TMEM235: variants seen among roughly 807,000 people sequenced by gnomAD.
TMEM235 encodes the protein transmembrane protein 235, also known as claudin-27.
TMEM235 carries 23 observed loss-of-function variants against 22.9 expected under a neutral mutation model. That is an observed-to-expected ratio of 1.00 (90% CI 0.72 to 1.42). The LOEUF is 1.42. TMEM235 is among the 40% of genes most tolerant of loss of function. TMEM235 has a pLI of 0.00. For synonymous variants in TMEM235, 137 were observed against 140.5 expected (o/e 0.98, Z 0.17); for missense variants, 308 against 299.5 (o/e 1.03, Z -0.21).
At chr17:78,232,270 C>G in intron 2 of TMEM235, 57 bp downstream of exon 1, 2 of 1,380,930 alleles carry the variant, frequency 1.4e-6, no homozygotes, top group Non-Finnish European at 1.9e-6. Flanking sequence ...TCCGACACCC[C>G]CTTAACCCCG....
chr17:78,235,328 C>T lies in TMEM235; in HGVS notation c.409+598C>T, dbSNP rs1347467022. On this transcript the variant is annotated intron_variant, in intron 4 of 5. Transcript: ENST00000421688. ...TTGAGATGGAGTTTCGCTCTTGTTGCCCAGGCTGGAGTGCAATCGCATGAT... is the reference window on the plus strand; with the variant it reads ...TTGAGATGGAGTTTCGCTCTTGTTGTCCAGGCTGGAGTGCAATCGCATGAT... Among the ~76,000 whole-genome samples the T allele has an allele frequency of 2.0e-5, 3 of 151,486 alleles. No individual in the cohort carries two copies. The East Asian group carries it at 5.8e-4, about 29-fold the overall frequency.
rs1219237617 is a variant in TMEM235, at chr17:78,237,338, C to T, written c.410-1686C>T. 1.3e-5 allele frequency among the ~76,000 whole-genome samples: 2 copies of T among 152,050 alleles called. No homozygotes were observed. The highest frequency in any genetic ancestry group is 2.9e-5 in the Non-Finnish European group (2 of 67,978). On this transcript the variant is annotated intron_variant, in intron 4 of 5. Coordinates refer to ENST00000421688, the Ensembl canonical transcript of TMEM235. This position sits in a 1 kb window ranked among gnomAD's most constrained non-coding sequence, Gnocchi z 4.7. ...TTCCCTGAGACAGGATCTTGGGGGGCCTGGGGGACCGACAGGGCCCACGGT... is the reference window on the plus strand; with the variant it reads ...TTCCCTGAGACAGGATCTTGGGGGGTCTGGGGGACCGACAGGGCCCACGGT...
rs1042047781 is a variant in TMEM235, at chr17:78,238,321, G to A, written c.410-703G>A. Among the ~76,000 whole-genome samples, 6 of 152,110 alleles carry A rather than the reference G, an allele frequency of 3.9e-5. No individual in the cohort carries two copies. The highest frequency in any genetic ancestry group is 1.2e-4 in the African/African-American group (5 of 41,432). On this transcript the variant is annotated intron_variant, in intron 4 of 5. Coordinates refer to ENST00000421688, the Ensembl canonical transcript of TMEM235. This position sits in a 1 kb window ranked among gnomAD's most constrained non-coding sequence, Gnocchi z 4.3. The stretch of plus-strand genomic sequence containing the variant: ...CAACAGCTTTGACCATGTGGAGAGC[G>A]GGAGGGAGGAGAGAGGAGGGCCCAG...
exon 2 of TMEM235, chr17:78,231,859 G>A: frequency 2.6e-6 from 3 of 1,153,204 alleles, no homozygotes; most frequent in Non-Finnish European, 3.3e-6. Context: ...GCGACCCCAG[G>A]GGGCCCGCGA....
In TMEM235 at chr17:78,234,525, C is replaced by T. The variant is rs2076620870; in HGVS notation, c.272-68C>T. ...AGAAGACGAAGCACCACGTCACTGT[C>T]CTCCGGCAGACAAGTGCTGAAGGGC... On this transcript the variant is annotated intron_variant, in intron 3 of 5. Coordinates refer to ENST00000421688, the Ensembl canonical transcript of TMEM235. 12 of 1,527,544 alleles carry T rather than the reference C, an allele frequency of 7.9e-6. No homozygotes were observed. In the South Asian group the frequency reaches 1.4e-4, roughly 18 times the overall value. 94.6% of individuals were successfully genotyped at this position (1,527,544 alleles called of 1,614,324 possible). A position where few individuals can be genotyped will look rare whatever the true frequency, so the allele number is the denominator to read the frequency against.
intron 4 of TMEM235, among the ~76,000 whole-genome samples, chr17:78,236,808 C>A (rs1435490012): frequency 6.6e-6 from 1 of 152,220 alleles, no homozygotes; most frequent in East Asian, 1.9e-4. Context: ...GGAGGCCCGA[C>A]TGGGTGCAGA....
At chr17:78,231,875 G>C in exon 2 of TMEM235, 1 of 1,137,806 alleles carries the variant, frequency 8.8e-7, no homozygotes, top group Non-Finnish European at 1.1e-6. Flanking sequence ...CGCGAGGCCA[G>C]TGCGCGGGCA....
At chr17:78,240,040 C>A in exon 6 of TMEM235, 1 of 1,494,004 alleles carries the variant, frequency 6.7e-7, no homozygotes, top group Admixed American at 2.1e-5. Context: ...TTTCACTGAG[C>A]ACTTCCGGGA....
At chr17:78,231,967 C>T (rs186093980) in exon 2 of TMEM235, 254,625 of 1,055,780 alleles carry the variant, frequency 0.24, 34,414 homozygotes, top group East Asian at 0.26. Flanking sequence ...CCGCGCGCCC[C>T]CCGCCGCCCC....
exon 6 of TMEM235, chr17:78,240,556 C>T (rs1229142563): frequency 6.4e-6 from 1 of 155,700 alleles, no homozygotes; most frequent in East Asian, 1.9e-4. Flanking sequence ...GAAGGGTTCC[C>T]AGGGCCTGTA....
chr17:78,233,766 C>T, intron 2 of TMEM235, 129 bp from the exon 2 acceptor site: 1 of 706,680 alleles, frequency 1.4e-6, no homozygotes, highest in Non-Finnish European at 2.4e-6. Flanking sequence ...ACTTGGAGTC[C>T]CAGCCCTGAG....
chr17:78,236,628 C>G (rs2145922673), intron 4 of TMEM235, among the ~76,000 whole-genome samples: 1 of 152,350 alleles, frequency 6.6e-6, no homozygotes, highest in Middle Eastern at 3.4e-3. Flanking sequence ...GGAAGGTGGA[C>G]TAGGGGCTCC....
At chr17:78,239,962 G>A (rs978865784) in exon 6 of TMEM235, 2 of 1,549,166 alleles carry the variant, frequency 1.3e-6, no homozygotes, top group African/African-American at 2.7e-5. Flanking sequence ...AGGGGTGGGG[G>A]GCAAGGAGCT....
At chr17:78,232,137 C>T in exon 2 of TMEM235, 1 of 1,489,226 alleles carries the variant, frequency 6.7e-7, no homozygotes, top group Non-Finnish European at 8.9e-7. Flanking sequence ...AGGTGGCGGA[C>T]GCCGGCAATG....
chr17:78,235,007 C>A (rs1334118647), intron 4 of TMEM235, among the ~76,000 whole-genome samples: 1 of 152,248 alleles, frequency 6.6e-6, no homozygotes, highest in Non-Finnish European at 1.5e-5. Flanking sequence ...GTGATCCCAG[C>A]ACTTTGGGAG....
chr17:78,231,937 C>A, exon 2 of TMEM235: 1 of 1,004,326 alleles, frequency 1.0e-6, no homozygotes. Context: ...CGCCCGCCCC[C>A]CGTCCCCCGG....
chr17:78,239,819 C>A, exon 6 of TMEM235: 1 of 1,551,076 alleles, frequency 6.4e-7, no homozygotes. Context: ...GGGACCCACC[C>A]AGATCGCCTG....
At chr17:78,240,083 G>A in exon 6 of TMEM235, 1 of 1,416,968 alleles carries the variant, frequency 7.1e-7, no homozygotes, top group Non-Finnish European at 9.4e-7. Context: ...TCCTTGTCCT[G>A]GCACAGGCTG....
exon 2 of TMEM235, chr17:78,232,182 C>T (rs2076589959): frequency 5.4e-6 from 8 of 1,493,018 alleles, no homozygotes; most frequent in African/African-American, 1.4e-5. Context: ...AGCTGCTCTC[C>T]TCGCACTCGG....
Sources: gnomAD v4.1 joint callset for allele counts (sites outside exome capture counted in the v4.1 genomes callset) on GRCh38, gnomAD v4.1.1 for gene constraint, Gnocchi (gnomAD v3.1) non-coding constraint, MANE v1.5 for transcripts, NCBI Gene and HGNC (gene_info 2026-07-23, HGNC 2026-07-21) for gene names.